Variants in PDE4D observed in about 807,000 individuals in gnomAD.
The protein encoded by PDE4D is phosphodiesterase 4D, also known as 3',5'-cyclic-AMP phosphodiesterase 4D.
PDE4D carries 24 observed loss-of-function variants against 87.4 expected under a neutral mutation model. The observed-to-expected ratio is 0.27, with a 90% confidence interval of 0.20 to 0.39. The LOEUF is 0.39. Ranked by LOEUF, PDE4D falls within the 10% of genes least tolerant of loss-of-function variation. PDE4D has a pLI of 1.00. For missense variants in PDE4D, 714 were observed against 1,041.0 expected (o/e 0.69, Z 4.32); for synonymous variants, 384 against 383.2 (o/e 1.00, Z -0.02).
intron 2 of PDE4D, among the ~76,000 whole-genome samples, chr5:60,108,769 C>A (rs1409344840): frequency 1.3e-5 from 2 of 152,156 alleles, no homozygotes; most frequent in African/African-American, 4.8e-5. Flanking sequence ...AAACGATTCC[C>A]TATTTAATAA....
chr5:59,513,569 C>G (rs1810624075), intron 1 of PDE4D, among the ~76,000 whole-genome samples: 1 of 152,144 alleles, frequency 6.6e-6, no homozygotes, highest in African/African-American at 2.4e-5. Flanking sequence ...TTGTGCAGTT[C>G]ATAACCTTCA....
At chr5:59,882,213 T>A (rs1255012841) in intron 1 of PDE4D, among the ~76,000 whole-genome samples, 2 of 152,206 alleles carry the variant, frequency 1.3e-5, no homozygotes, top group East Asian at 1.9e-4. Flanking sequence ...TGTTGGATGA[T>A]CTTTCTTCAG....
chr5:60,222,943 G>A (rs1248955608), intron 1 of PDE4D, among the ~76,000 whole-genome samples: 2 of 152,080 alleles, frequency 1.3e-5, no homozygotes, highest in African/African-American at 4.8e-5. Context: ...ATTGTAAATT[G>A]CACAATATAA....
chr5:60,344,723 C>A (rs1371495872), intron 1 of PDE4D, among the ~76,000 whole-genome samples: 1 of 152,144 alleles, frequency 6.6e-6, no homozygotes, highest in East Asian at 1.9e-4. Context: ...TGAATTTACT[C>A]AATTTTAATT....
intron 1 of PDE4D, among the ~76,000 whole-genome samples, chr5:59,439,017 T>A (rs1797191557): frequency 6.6e-6 from 1 of 152,206 alleles, no homozygotes; most frequent in Non-Finnish European, 1.5e-5. Flanking sequence ...TCCCTGAGTT[T>A]ATTCAGCATA....
At chr5:59,693,945 G>T (rs1008592677) in intron 1 of PDE4D, among the ~76,000 whole-genome samples, 1 of 152,010 alleles carries the variant, frequency 6.6e-6, no homozygotes, top group Admixed American at 6.6e-5. Context: ...AGACATCAAA[G>T]GTTGATGCCT....
At chr5:59,012,058 T>TTCACA (rs1191560872) in intron 6 of PDE4D, among the ~76,000 whole-genome samples, 1 of 152,126 alleles carries the variant, frequency 6.6e-6, no homozygotes, top group African/African-American at 2.4e-5. Flanking sequence ...CAAACTAAGC[T>TTCACA]TCACAGGTGA....
At chr5:59,238,918 G>C (rs1757065906) in intron 1 of PDE4D, among the ~76,000 whole-genome samples, 1 of 152,186 alleles carries the variant, frequency 6.6e-6, no homozygotes, top group Non-Finnish European at 1.5e-5. Context: ...CTAGAAACCA[G>C]AGATATTTAT....
At chr5:59,022,673 C>T (rs1241573469) in intron 6 of PDE4D, among the ~76,000 whole-genome samples, 3 of 152,132 alleles carry the variant, frequency 2.0e-5, no homozygotes, top group Non-Finnish European at 4.4e-5. Flanking sequence ...TCCTTCTGTG[C>T]ACATGTTAGA....
intron 1 of PDE4D, among the ~76,000 whole-genome samples, chr5:60,416,096 A>G (rs1032632341): frequency 3.3e-5 from 5 of 151,810 alleles, no homozygotes; most frequent in Admixed American, 1.3e-4. Context: ...GTTTGTAAAT[A>G]CACCAATCGA....
intron 5 of PDE4D, among the ~76,000 whole-genome samples, chr5:59,045,821 A>G (rs1760531977): frequency 6.6e-6 from 1 of 152,216 alleles, no homozygotes; most frequent in African/African-American, 2.4e-5. Context: ...ATGGAATTTA[A>G]GAAAGTAAAG....
intron 2 of PDE4D, among the ~76,000 whole-genome samples, chr5:60,046,713 A>T (rs1769306287): frequency 6.6e-6 from 1 of 152,334 alleles, no homozygotes; most frequent in Non-Finnish European, 1.5e-5. Flanking sequence ...CCCAGGGATG[A>T]GGCCCACTTG....
At chr5:60,284,915 T>C (rs1752275088) in intron 1 of PDE4D, among the ~76,000 whole-genome samples, 1 of 149,158 alleles carries the variant, frequency 6.7e-6, no homozygotes. Flanking sequence ...CCAAGGCCTT[T>C]GCTTTGAGTT....
intron 1 of PDE4D, among the ~76,000 whole-genome samples, chr5:59,743,432 A>C (rs1388848355): frequency 1.3e-5 from 2 of 152,286 alleles, no homozygotes; most frequent in East Asian, 3.9e-4. Flanking sequence ...CAAGTACATG[A>C]AAAGCTGCTC....
At chr5:59,201,416 T>C (rs1364860279) in intron 2 of PDE4D, among the ~76,000 whole-genome samples, 2 of 152,112 alleles carry the variant, frequency 1.3e-5, no homozygotes, top group Non-Finnish European at 1.5e-5. Context: ...ATATAGCGTT[T>C]AAAAGAGATG....
chr5:60,087,662 G>A (rs1438426221), intron 2 of PDE4D, among the ~76,000 whole-genome samples: 1 of 151,872 alleles, frequency 6.6e-6, no homozygotes, highest in Non-Finnish European at 1.5e-5. Context: ...GAAAGAATTA[G>A]TGAGCTTGAA....
At chr5:59,434,539 A>T (rs1796535909) in intron 1 of PDE4D, among the ~76,000 whole-genome samples, 1 of 152,128 alleles carries the variant, frequency 6.6e-6, no homozygotes, top group Non-Finnish European at 1.5e-5. Context: ...CAATGCATCC[A>T]ATGAATTGGC....
intron 2 of PDE4D, among the ~76,000 whole-genome samples, chr5:60,025,778 TAAACCCAGG>T (rs1337236682): frequency 3.3e-5 from 5 of 152,154 alleles, no homozygotes; most frequent in Admixed American, 2.0e-4. Flanking sequence ...ATTAATCACT[TAAACCCAGG>T]AGGTGGAGTC....
At position 59,177,852 on chromosome 5, in the gene PDE4D, C is replaced by G. The variant is rs373855720; in HGVS notation, c.808+2743G>C. 3.3e-4 allele frequency among the ~76,000 whole-genome samples: 51 copies of G among 152,260 alleles called. 1 individual carries two copies. The highest frequency in any genetic ancestry group is 1.2e-3 in the African/African-American group (49 of 41,544). ...ACCTGGGGCCTCTAGTGAGAGAAGC[C>G]ACATGGAAGCTGGTCCTCATGCTGC... On this transcript the variant is annotated intron_variant, in intron 5 of 14. Coordinates refer to ENST00000340635, the MANE Select transcript of PDE4D (RefSeq NM_001104631.2).
Sources: allele counts gnomAD v4.1 joint callset (sites outside exome capture counted in the v4.1 genomes callset), GRCh38; gene constraint gnomAD v4.1.1; transcripts MANE v1.5; gene names NCBI Gene and HGNC (gene_info 2026-07-23, HGNC 2026-07-21).